The following DGKB variants were observed in gnomAD, a reference collection of about 807,000 sequenced individuals.
DGKB encodes the protein 90 kDa diacylglycerol kinase.
In DGKB, 67 loss-of-function variants were observed where a neutral mutation model predicts 114.3. The observed-to-expected ratio is 0.59, with a 90% confidence interval of 0.48 to 0.72. The LOEUF (loss-of-function observed/expected upper bound fraction) is 0.72. DGKB is among the 30% of genes least tolerant of loss of function. DGKB has a pLI of 0.00. For synonymous variants in DGKB, 398 were observed against 323.1 expected (o/e 1.23, Z -2.49); for missense variants, 907 against 975.2 (o/e 0.93, Z 0.93).
intron 3 of DGKB, among the ~76,000 whole-genome samples, chr7:14,756,133 C>G (rs899639690): frequency 6.6e-6 from 1 of 151,976 alleles, no homozygotes; most frequent in Admixed American, 6.6e-5. Context: ...CAAACAAGAT[C>G]ACTTAACTGA....
At chr7:14,451,266 A>C (rs2052980) in intron 21 of DGKB, among the ~76,000 whole-genome samples, 91,668 of 151,844 alleles carry the variant, frequency 0.6, 28,435 homozygotes, top group East Asian at 0.86. Context: ...TATGGGTAGG[A>C]CTCATCTAAT....
chr7:14,298,829 C>T (rs2128484280), intron 23 of DGKB, among the ~76,000 whole-genome samples: 1 of 152,226 alleles, frequency 6.6e-6, no homozygotes, highest in South Asian at 2.1e-4. Context: ...CTACAAAGAA[C>T]TTAAACAAAT....
intron 2 of DGKB, among the ~76,000 whole-genome samples, chr7:14,765,337 A>G (rs1836294256): frequency 6.6e-6 from 1 of 151,972 alleles, no homozygotes; most frequent in Non-Finnish European, 1.5e-5. Context: ...AATGGGCATA[A>G]TATCTTTGAG....
chr7:14,188,378 TGGCCGGGCGCGGTGGCTC>T (rs1783765345), intron 23 of DGKB, among the ~76,000 whole-genome samples: 1 of 149,720 alleles, frequency 6.7e-6, no homozygotes, highest in Non-Finnish European at 1.5e-5. Context: ...GATCCCCAAT[TGGCCGGGCGCGGTGGCTC>T]ACGCCTGTAA....
intron 22 of DGKB, among the ~76,000 whole-genome samples, chr7:14,338,955 CTTTG>C (rs1462768619): frequency 3.3e-5 from 5 of 152,118 alleles, no homozygotes; most frequent in Non-Finnish European, 2.9e-5. Context: ...ACCAGTATAT[CTTTG>C]TTTGTAGAAA....
chr7:14,461,967 C>G (rs1584123458), intron 21 of DGKB, among the ~76,000 whole-genome samples: 2 of 152,248 alleles, frequency 1.3e-5, no homozygotes, highest in Non-Finnish European at 2.9e-5. Context: ...AAATCAGTAA[C>G]TGTAATCCAT....
intron 10 of DGKB, among the ~76,000 whole-genome samples, chr7:14,683,653 A>C (rs531570206): frequency 1.3e-5 from 2 of 152,212 alleles, no homozygotes; most frequent in East Asian, 3.9e-4. Context: ...TAAATATATA[A>C]AACAGTACTT....
chr7:14,401,938 G>A (rs948825126), intron 21 of DGKB, among the ~76,000 whole-genome samples: 1 of 149,560 alleles, frequency 6.7e-6, no homozygotes, highest in Admixed American at 6.7e-5. Flanking sequence ...TCTATCTCAA[G>A]AAAAAAATAA....
intron 13 of DGKB, among the ~76,000 whole-genome samples, chr7:14,646,577 G>A (rs984416532): frequency 6.6e-6 from 1 of 152,102 alleles, no homozygotes; most frequent in African/African-American, 2.4e-5. Context: ...TGCAAGGATA[G>A]ACTGTATCTT....
chr7:14,969,568 A>T (rs1264515281), intron 1 of DGKB, among the ~76,000 whole-genome samples: 2 of 152,156 alleles, frequency 1.3e-5, no homozygotes, highest in African/African-American at 4.8e-5. Flanking sequence ...TCAGATCAGC[A>T]GCAGCATTAG....
intron 21 of DGKB, among the ~76,000 whole-genome samples, chr7:14,426,781 G>A (rs975012097): frequency 4.6e-5 from 7 of 152,036 alleles, no homozygotes; most frequent in Admixed American, 2.0e-4. Flanking sequence ...TGGGCCAAGC[G>A]TGGCAGCTCA....
intron 23 of DGKB, among the ~76,000 whole-genome samples, chr7:14,250,960 T>A (rs757937334): frequency 3.9e-5 from 6 of 152,186 alleles, no homozygotes; most frequent in Non-Finnish European, 8.8e-5. Context: ...CCTGCTCTTT[T>A]TTATTATTAT....
At chr7:14,186,852 C>A (rs996817075) in intron 23 of DGKB, among the ~76,000 whole-genome samples, 1 of 152,014 alleles carries the variant, frequency 6.6e-6, no homozygotes, top group Admixed American at 6.5e-5. Context: ...ATACAGTAGA[C>A]TTTGGGGACT....
At chr7:14,943,208 C>G (rs60165954) in intron 1 of DGKB, among the ~76,000 whole-genome samples, 8,764 of 151,602 alleles carry the variant, frequency 0.058, 810 homozygotes, top group African/African-American at 0.19. Flanking sequence ...TAACATTGTT[C>G]CTAGATACAA....
chr7:14,724,744 G>A (rs1230093531), intron 5 of DGKB, among the ~76,000 whole-genome samples: 1 of 152,152 alleles, frequency 6.6e-6, no homozygotes, highest in Non-Finnish European at 1.5e-5. Flanking sequence ...AAGTCAGTAA[G>A]TAAACTGTTC....
At chr7:14,379,980 T>C (rs1228280808) in intron 21 of DGKB, among the ~76,000 whole-genome samples, 1 of 152,048 alleles carries the variant, frequency 6.6e-6, no homozygotes, top group Non-Finnish European at 1.5e-5. Context: ...AAATTCACTG[T>C]GAGGCTGCAG....
intron 25 of DGKB, among the ~76,000 whole-genome samples, 162 bp from the exon 26 acceptor site, chr7:14,149,400 T>C (rs1562472754): frequency 6.6e-6 from 1 of 152,138 alleles, no homozygotes; most frequent in Non-Finnish European, 1.5e-5. Context: ...ATTTCAAAAA[T>C]ATTTTTAAGG....
chr7:14,244,962 T>G (rs148377826), intron 23 of DGKB, among the ~76,000 whole-genome samples: 1 of 152,160 alleles, frequency 6.6e-6, no homozygotes, highest in Non-Finnish European at 1.5e-5. Context: ...AAGACAGTAA[T>G]GAAGTTCAGG....
At chr7:14,528,515 A>G (rs988056230) in intron 20 of DGKB, among the ~76,000 whole-genome samples, 8 of 152,112 alleles carry the variant, frequency 5.3e-5, no homozygotes, top group African/African-American at 1.9e-4. Context: ...AAAAATTGCA[A>G]GTAACATGGT....
Sources: allele counts gnomAD v4.1 joint callset (sites outside exome capture counted in the v4.1 genomes callset), GRCh38; gene constraint gnomAD v4.1.1; transcripts MANE v1.5; gene names NCBI Gene and HGNC (gene_info 2026-07-23, HGNC 2026-07-21).